Variants in SHISA9 observed in about 807,000 individuals in gnomAD.
SHISA9 encodes protein shisa-9.
SHISA9 carries 13 observed loss-of-function variants against 38.0 expected under a neutral mutation model. The observed-to-expected ratio is 0.34, with a 90% confidence interval of 0.22 to 0.54. The LOEUF (loss-of-function observed/expected upper bound fraction) is 0.54, where lower values mean the gene tolerates loss of function less well. Ranked by LOEUF, SHISA9 falls within the 20% of genes least tolerant of loss-of-function variation. The pLI is 0.91. For missense variants in SHISA9, 538 were observed against 575.8 expected, an observed-to-expected ratio of 0.93 and a Z score of 0.67; for synonymous variants, 275 against 242.0, an observed-to-expected ratio of 1.14 and a Z score of -1.27.
At chr16:13,366,991 A>AAAAAAAAAAAG in the SHISA9 span, among the ~76,000 whole-genome samples, 1 of 151,682 alleles carries the variant, frequency 6.6e-6, no homozygotes. Flanking sequence ...TCAAAAAAAA[A>AAAAAAAAAAAG]AAAAAAAAAA....
At chr16:13,432,970 G>T in the SHISA9 span, among the ~76,000 whole-genome samples, 1 of 152,100 alleles carries the variant, frequency 6.6e-6, no homozygotes, top group South Asian at 2.1e-4. Context: ...TGGGTACTAG[G>T]CTTAATGCTT....
At chr16:12,923,395 G>A (rs1044705490) in intron 2 of SHISA9, among the ~76,000 whole-genome samples, 2 of 152,104 alleles carry the variant, frequency 1.3e-5, no homozygotes, top group Non-Finnish European at 2.9e-5. Flanking sequence ...TGGTGTGGTG[G>A]TGCATGCCTG....
chr16:13,301,818 C>A, the SHISA9 span, among the ~76,000 whole-genome samples: 1 of 152,142 alleles, frequency 6.6e-6, no homozygotes, highest in African/African-American at 2.4e-5. Flanking sequence ...GGGCTCAAAT[C>A]CTGACTCTAC....
the SHISA9 span, among the ~76,000 whole-genome samples, chr16:13,361,143 A>T: frequency 2.0e-5 from 3 of 152,112 alleles, no homozygotes; most frequent in Admixed American, 6.5e-5. Context: ...GGATGATTTA[A>T]TTTCTTCCTC....
chr16:13,451,465 C>T, the SHISA9 span, among the ~76,000 whole-genome samples: 3 of 152,110 alleles, frequency 2.0e-5, no homozygotes, highest in Non-Finnish European at 4.4e-5. Flanking sequence ...ATTATAGATC[C>T]TCAAATTCAC....
At position 13,106,730 on chromosome 16, in the gene SHISA9, T is replaced by A. The variant is rs368634200; in HGVS notation, c.692-96664T>A. Among the ~76,000 whole-genome samples, 43 of 152,090 alleles carry A rather than the reference T, an allele frequency of 2.8e-4. No homozygotes were observed. In the South Asian group the frequency reaches 3.3e-3, roughly 12 times the overall value. ...CCAATCTGTGCCTTCTCTGGGACTT[T>A]GGCTAGAAAAAAAAAATCAGTAAGT... is the stretch of plus-strand genomic sequence containing the variant. On this transcript the variant is annotated intron_variant, in intron 2 of 4. Transcript: ENST00000558583.
intron 2 of SHISA9, among the ~76,000 whole-genome samples, chr16:12,952,256 C>G (rs1025099445): frequency 3.3e-5 from 5 of 152,226 alleles, no homozygotes; most frequent in Admixed American, 6.5e-5. Flanking sequence ...CTCCAGAGAA[C>G]TTTCTGTGAC....
intron 2 of SHISA9, among the ~76,000 whole-genome samples, chr16:13,166,093 G>A (rs1360427287): frequency 6.6e-6 from 1 of 152,102 alleles, no homozygotes; most frequent in African/African-American, 2.4e-5. Flanking sequence ...TTTGATAGAT[G>A]GTCTCTTTGA....
At chr16:13,000,119 G>C (rs2141840558) in intron 2 of SHISA9, among the ~76,000 whole-genome samples, 1 of 151,716 alleles carries the variant, frequency 6.6e-6, no homozygotes, top group African/African-American at 2.4e-5. Context: ...TATGAATTAG[G>C]GACACTTAGC....
At chr16:12,905,700 T>C (rs1407376996) in intron 1 of SHISA9, among the ~76,000 whole-genome samples, 1 of 151,976 alleles carries the variant, frequency 6.6e-6, no homozygotes, top group Non-Finnish European at 1.5e-5. Context: ...CAAGTGATTC[T>C]CCTGCCTCAG....
intron 2 of SHISA9, among the ~76,000 whole-genome samples, chr16:13,023,685 T>C (rs2072885476): frequency 1.3e-5 from 2 of 152,210 alleles, no homozygotes; most frequent in South Asian, 2.1e-4. Context: ...GCATCCGTTG[T>C]TTCCTGACTT....
At chr16:13,452,905 GCTTTT>G in the SHISA9 span, among the ~76,000 whole-genome samples, 3 of 151,398 alleles carry the variant, frequency 2.0e-5, no homozygotes, top group African/African-American at 4.9e-5. Context: ...ACATTGTATA[GCTTTT>G]CTTTTCTTTT....
chr16:13,071,602 C>G (rs1596627482), intron 2 of SHISA9, among the ~76,000 whole-genome samples: 1 of 129,220 alleles, frequency 7.7e-6, no homozygotes, highest in Non-Finnish European at 1.5e-5. Flanking sequence ...CCTTCCTTCC[C>G]TTTCTTCCCT....
intron 2 of SHISA9, among the ~76,000 whole-genome samples, chr16:13,177,337 T>C (rs7194732): frequency 0.55 from 83,999 of 151,924 alleles, 24,390 homozygotes; most frequent in African/African-American, 0.74. Flanking sequence ...GCTCAAAATC[T>C]TAGAATGGCT....
At chr16:13,001,049 C>T (rs111370963) in intron 2 of SHISA9, among the ~76,000 whole-genome samples, 14,558 of 152,106 alleles carry the variant, frequency 0.096, 810 homozygotes, top group Admixed American at 0.12. Flanking sequence ...TGCCTCACCC[C>T]GCCGAGTAGC....
chr16:13,161,102 A>C (rs1192681236), intron 2 of SHISA9, among the ~76,000 whole-genome samples: 1 of 152,172 alleles, frequency 6.6e-6, no homozygotes, highest in Non-Finnish European at 1.5e-5. Flanking sequence ...GAGCCGTGGA[A>C]ATTCTCACTT....
At chr16:13,244,030 C>T (rs146344623), downstream of SHISA9, among the ~76,000 whole-genome samples, 1,332 of 152,196 alleles carry the variant, frequency 8.8e-3, 10 homozygotes, top group Non-Finnish European at 0.01. Flanking sequence ...TTTGGCCTCC[C>T]AAAGTGCTGG....
At chr16:13,262,614 C>T in the SHISA9 span, among the ~76,000 whole-genome samples, 1 of 114,474 alleles carries the variant, frequency 8.7e-6, no homozygotes, top group Non-Finnish European at 1.7e-5. Flanking sequence ...AGTAAGTTCT[C>T]AAAAAAATTG....
intron 2 of SHISA9, among the ~76,000 whole-genome samples, chr16:13,105,223 T>C (rs941413092): frequency 1.3e-5 from 2 of 152,174 alleles, no homozygotes; most frequent in African/African-American, 4.8e-5. Context: ...ACCATAGGAG[T>C]ATACGGCTAG....
Sources: allele counts gnomAD v4.1 joint callset (sites outside exome capture counted in the v4.1 genomes callset), GRCh38; gene constraint gnomAD v4.1.1; transcripts MANE v1.5; gene names NCBI Gene and HGNC (gene_info 2026-07-23, HGNC 2026-07-21).